Variants in HERC2 observed in about 807,000 individuals in gnomAD.
HERC2 encodes the protein HECT and RLD domain containing E3 ubiquitin protein ligase 2, also known as E3 ubiquitin-protein ligase HERC2.
In HERC2, 102 loss-of-function variants were observed where a neutral mutation model predicts 537.7. That is an observed-to-expected ratio of 0.19 (90% CI 0.16 to 0.22). The LOEUF is 0.22. Among genes scored for constraint, HERC2 ranks in the 10% least tolerant of loss-of-function variants. The pLI is 1.00. For synonymous variants in HERC2, 2,224 were observed against 2,466.2 expected, an observed-to-expected ratio of 0.90 and a Z score of 2.91; for missense variants, 4,236 against 6,198.2, an observed-to-expected ratio of 0.68 and a Z score of 10.63.
intron 52 of HERC2, among the ~76,000 whole-genome samples, chr15:28,192,773 CAT>C (rs1896970116): frequency 6.6e-6 from 1 of 152,172 alleles, no homozygotes; most frequent in Admixed American, 6.5e-5. Flanking sequence ...TGAGACGACA[CAT>C]AGCATTTTGA....
In HERC2 at chr15:28,144,083, C is replaced by T. The variant is rs1186627288; in HGVS notation, c.11293G>A (p.Ala3765Thr). ...CTGTAATGGTGGCATTTACCTAGGG[C>T]ACTCAGCTGTGCACAAGCTGCCAGC... ...ASLAACAQLS[A>T]LAASHRMWAL... is the part of the protein sequence containing the mutation. The change falls in exon 73 of 93, where the codon GCC becomes ACC. Residue 3765 changes from alanine to threonine, a missense_variant. Physicochemically the swap from Ala to Thr is moderately conservative, Grantham distance 58. Around this residue, in one of 27 missense-constraint regions of HERC2, gnomAD observed 109 missense variants for 133.5 expected, o/e 0.82. Transcript: ENST00000261609. 1.2e-6 allele frequency: 2 copies of T among 1,614,028 alleles called. No individual in the cohort carries two copies. Among genetic ancestry groups the T allele is most frequent in the African/African-American group, 1.3e-5 (1 of 74,928 alleles).
chr15:28,254,237 G>A, intron 20 of HERC2, 103 bp downstream of exon 20: 1 of 747,472 alleles, frequency 1.3e-6, no homozygotes, highest in East Asian at 3.0e-5. Context: ...GAGCCAAGAT[G>A]GCGCCATAGC....
intron 78 of HERC2, among the ~76,000 whole-genome samples, chr15:28,141,139 G>A (rs1381445388): frequency 3.3e-5 from 5 of 151,970 alleles, no homozygotes; most frequent in Admixed American, 6.5e-5. Flanking sequence ...TTGGGAGGTT[G>A]AGGCAGGAGA....
At chr15:28,112,959 TA>T (rs1377253567) in intron 92 of HERC2, 111 bp downstream of exon 92, 2 of 793,868 alleles carry the variant, frequency 2.5e-6, no homozygotes, top group African/African-American at 1.7e-5. Context: ...TTCATTTCTG[TA>T]AAGACTCAAG....
rs1158162568 is a variant in HERC2, at chr15:28,141,618, G to C, written c.11829C>G (p.Asp3943Glu). ...CACTGCCACCAGCAGAGAGAGTCCA[G>C]TCATCTGGTCGCCTACAATACACAT... ...LVQWMNRRPD[D>E]WTLSAGGSGT... Residue 3943 changes from aspartate to glutamate, a missense_variant, in exon 78 of 93, where the codon GAC becomes GAG. By Grantham distance (45) the Asp-to-Glu change is conservative (BLOSUM62 2). Around this residue, in one of 27 missense-constraint regions of HERC2, gnomAD observed 156 missense variants for 172.3 expected, o/e 0.91. Transcript: ENST00000261609. 7 of 1,614,142 alleles carry C rather than the reference G, an allele frequency of 4.3e-6. No homozygotes were observed. Among genetic ancestry groups the C allele is most frequent in the Non-Finnish European group, 5.9e-6 (7 of 1,180,034 alleles).
intron 2 of HERC2, among the ~76,000 whole-genome samples, chr15:28,309,150 G>T (rs1346186032): frequency 6.6e-6 from 1 of 152,220 alleles, no homozygotes; most frequent in Non-Finnish European, 1.5e-5. Flanking sequence ...CAGATGAAAT[G>T]TTCTAGAAAT....
At position 28,277,354 on chromosome 15, in the gene HERC2, G is replaced by A. The variant is rs1031226831; in HGVS notation, c.543-2349C>T. ...GCAGGCTATCAAAATTAACACCCTC[G>A]TTGTGATGACTGTGTCACAGTTTGC... On this transcript the variant is annotated intron_variant, in intron 5 of 92. Transcript: ENST00000261609. Among the ~76,000 whole-genome samples the A allele has an allele frequency of 4.6e-5, 7 of 151,632 alleles. No individual in the cohort carries two copies. The South Asian group carries it at 8.3e-4, about 18-fold the overall frequency.
At chr15:28,270,270 C>T (rs377109332) in intron 10 of HERC2, among the ~76,000 whole-genome samples, 21 of 140,830 alleles carry the variant, frequency 1.5e-4, no homozygotes, top group South Asian at 1.3e-3. Flanking sequence ...GATAGATAGA[C>T]AGACAGACAG....
At position 28,265,837 on chromosome 15, in the gene HERC2, T is replaced by A. The variant is rs746016159; in HGVS notation, c.1736A>T (p.Asn579Ile). The A allele has an allele frequency of 6.2e-7, 1 of 1,614,158 alleles. No individual in the cohort carries two copies. Among genetic ancestry groups the A allele is most frequent in the African/African-American group, 1.3e-5 (1 of 75,046 alleles). The change falls in exon 13 of 93, where the codon AAC becomes ATC. Residue 579 changes from asparagine (N) to isoleucine (I), a missense_variant. Coordinates refer to ENST00000261609, the MANE Select transcript of HERC2 (RefSeq NM_004667.6). The surrounding 1 kb of genome is among the most constrained non-coding windows in gnomAD (Gnocchi z 4.0). ...EGELYTWGRG[N>I]YGRLGHGSSE... ...CGTACCATGGCCCAGCCGGCCGTAG[T>A]TCCCGCGGCCCCAGGTGTACAGCTC... is the stretch of plus-strand genomic sequence containing the variant.
chr15:28,134,703 CTTTTT>C (rs71132835), intron 79 of HERC2, among the ~76,000 whole-genome samples: 2 of 114,800 alleles, frequency 1.7e-5, no homozygotes, highest in African/African-American at 2.9e-5. Context: ...ATTTTTTCCT[CTTTTT>C]TTTTTTTTTT....
chr15:28,155,112 T>A (rs1892859429), intron 69 of HERC2, among the ~76,000 whole-genome samples: 1 of 152,112 alleles, frequency 6.6e-6, no homozygotes, highest in African/African-American at 2.4e-5. Context: ...TTTTTATGGC[T>A]GCATAGTATT....
chr15:28,279,719 G>A (rs759626793), intron 5 of HERC2, among the ~76,000 whole-genome samples: 53 of 151,938 alleles, frequency 3.5e-4, no homozygotes, highest in African/African-American at 1.1e-3. Context: ...TGGCTGAGGC[G>A]GGAGGATCAC....
chr15:28,309,039 C>A (rs189354860), intron 2 of HERC2, among the ~76,000 whole-genome samples: 104 of 152,322 alleles, frequency 6.8e-4, no homozygotes, highest in African/African-American at 2.4e-3. Context: ...CTTTTAGTAT[C>A]AAGGTTTGAA....
At position 28,111,744 on chromosome 15, in the gene HERC2, A is replaced by C; in HGVS notation, c.*19T>G. ...GCTGCCTGGCTCAGGCTCTCATCTC[A>C]CGAGGACGTTTCCCCATCTTAGTGT... On this transcript the variant is annotated 3_prime_UTR_variant, in exon 93 of 93. Transcript: ENST00000261609. 6.2e-7 allele frequency: 1 copy of C among 1,610,922 alleles called. No homozygotes were observed. The highest frequency in any genetic ancestry group is 8.5e-7 in the Non-Finnish European group (1 of 1,177,284).
intron 7 of HERC2, 59 bp from the exon 8 acceptor site, chr15:28,273,063 C>A: frequency 1.7e-6 from 2 of 1,186,056 alleles, no homozygotes; most frequent in Non-Finnish European, 2.5e-6. Flanking sequence ...AGCATGCTTA[C>A]AATCACACTA....
At chr15:28,292,121 C>T (rs1390586066) in intron 4 of HERC2, among the ~76,000 whole-genome samples, 2 of 147,510 alleles carry the variant, frequency 1.4e-5, no homozygotes, top group Non-Finnish European at 1.5e-5. Context: ...CCCAGCTACT[C>T]GGGAGGATGA....
chr15:28,204,107 TC>T (rs1270363540), intron 45 of HERC2, among the ~76,000 whole-genome samples: 2 of 151,906 alleles, frequency 1.3e-5, no homozygotes, highest in East Asian at 3.9e-4. Flanking sequence ...AACTCCCCTT[TC>T]TCCAGAGGCG....
Position 28,220,501 on chromosome 15 carries a change from C to T in HERC2, c.5796G>A (p.Pro1932=), listed in dbSNP as rs370594237. ...CCTCTGCTGAGGGCTGTGCAGCAGC[C>T]GGCAGCTCTGCCAGCTTGAGGTCGT... The part of the protein sequence containing the change: ...GKYDLKLAEL[P]AAAQPSAEDS... The change falls in exon 37 of 93, where the codon CCG becomes CCA. Residue 1932 remains proline, a synonymous_variant. Transcript: ENST00000261609. 139 of 1,604,244 alleles carry T rather than the reference C, an allele frequency of 8.7e-5. No individual in the cohort carries two copies. The highest frequency in any genetic ancestry group is 4.3e-4 in the African/African-American group (32 of 74,854).
chr15:28,302,048 T>C (rs1280032395), intron 2 of HERC2, among the ~76,000 whole-genome samples: 4 of 149,006 alleles, frequency 2.7e-5, no homozygotes, highest in African/African-American at 4.9e-5. Flanking sequence ...TCCACCTGCC[T>C]TGGCCTCCCA....
Sources: gnomAD v4.1 joint callset for allele counts (sites outside exome capture counted in the v4.1 genomes callset) on GRCh38, gnomAD v4.1.1 for gene constraint, gnomAD v4.1.1 regional missense constraint, Gnocchi (gnomAD v3.1) non-coding constraint, MANE v1.5 for transcripts, NCBI Gene and HGNC (gene_info 2026-07-23, HGNC 2026-07-21) for gene names.